Variants in TTC7A observed in about 807,000 individuals in gnomAD.
TTC7A encodes the protein tetratricopeptide repeat domain 7A.
In TTC7A, 110 loss-of-function variants were observed where a neutral mutation model predicts 103.7. That is an observed-to-expected ratio of 1.06 (90% CI 0.91 to 1.24). The LOEUF (loss-of-function observed/expected upper bound fraction) is 1.24, where lower values mean the gene tolerates loss of function less well. Among genes scored for constraint, TTC7A ranks in the 50% most tolerant of loss-of-function variants. TTC7A has a pLI of 0.00. For synonymous variants in TTC7A, 521 were observed against 467.9 expected (o/e 1.11, Z -1.47); for missense variants, 1,340 against 1,116.3 (o/e 1.20, Z -2.86).
At chr2:47,000,714 G>A (rs965539159) in intron 8 of TTC7A, among the ~76,000 whole-genome samples, 2 of 152,190 alleles carry the variant, frequency 1.3e-5, no homozygotes, top group Non-Finnish European at 2.9e-5. Context: ...ACTTGTTTCT[G>A]GGGTAGTTTT....
intron 2 of TTC7A, among the ~76,000 whole-genome samples, chr2:46,918,958 T>G (rs1209295081): frequency 6.6e-6 from 1 of 152,198 alleles, no homozygotes; most frequent in Non-Finnish European, 1.5e-5. Context: ...CTTTGTGTAC[T>G]CAGGTTGAAA....
At chr2:47,059,854 G>C (rs1683623985) in intron 18 of TTC7A, among the ~76,000 whole-genome samples, 1 of 152,122 alleles carries the variant, frequency 6.6e-6, no homozygotes. Context: ...CCCCTCTAAA[G>C]TGGGGTAATA....
chr2:46,939,757 T>G (rs1167369604), upstream of TTC7A, among the ~76,000 whole-genome samples: 1 of 151,996 alleles, frequency 6.6e-6, no homozygotes, highest in East Asian at 1.9e-4. Flanking sequence ...ATCCAACCGC[T>G]CTCTCCAAGT....
chr2:46,970,952 C>G (rs555146634), intron 3 of TTC7A, among the ~76,000 whole-genome samples: 62 of 152,324 alleles, frequency 4.1e-4, no homozygotes, highest in African/African-American at 1.4e-3. Flanking sequence ...TGGTCACACC[C>G]CAGCCTGGCA....
intron 8 of TTC7A, among the ~76,000 whole-genome samples, chr2:46,997,358 G>C (rs950531226): frequency 2.0e-5 from 3 of 152,156 alleles, no homozygotes; most frequent in Admixed American, 2.0e-4. Context: ...GGCTGGAAAC[G>C]GGGTCGTCTG....
At chr2:46,967,531 T>G (rs1174232396) in intron 3 of TTC7A, among the ~76,000 whole-genome samples, 4 of 152,216 alleles carry the variant, frequency 2.6e-5, no homozygotes, top group Non-Finnish European at 5.9e-5. Flanking sequence ...GTCTGGCTCA[T>G]TTCACTTAGT....
chr2:46,975,030 G>A lies in TTC7A; in HGVS notation c.575G>A (p.Arg192Lys). Residue 192 changes from arginine to lysine, a missense_variant, in exon 4 of 20, where the codon AGG becomes AAG. By Grantham distance (26) the Arg-to-Lys change is conservative. Transcript: ENST00000319190. The part of the protein sequence containing the change: ...SIASRFRLTE[R>K]EEEVITCFER... ...GCCTCCCGCTTCCGCCTGACAGAGAGGGAGGAGGAAGTGATCACCTGTTTT... is the reference window on the plus strand; with the variant it reads ...GCCTCCCGCTTCCGCCTGACAGAGAAGGAGGAGGAAGTGATCACCTGTTTT... 1 of 1,614,088 alleles carries A rather than the reference G, an allele frequency of 6.2e-7. No individual in the cohort carries two copies. Among genetic ancestry groups the A allele is most frequent in the Middle Eastern group, 1.6e-4 (1 of 6,062 alleles).
intron 15 of TTC7A, among the ~76,000 whole-genome samples, chr2:47,035,797 G>T (rs1032376880): frequency 1.3e-5 from 2 of 152,216 alleles, no homozygotes; most frequent in Non-Finnish European, 2.9e-5. Context: ...TAGCAGGGGA[G>T]GCCCAGCCCC....
chr2:46,926,804 C>T (rs1669407220), intron 2 of TTC7A, among the ~76,000 whole-genome samples: 1 of 152,216 alleles, frequency 6.6e-6, no homozygotes, highest in Non-Finnish European at 1.5e-5. Flanking sequence ...CGGACCTCCA[C>T]AGCTTGAGAC....
chr2:46,973,450 C>A (rs1245210390), intron 3 of TTC7A, among the ~76,000 whole-genome samples: 1 of 152,188 alleles, frequency 6.6e-6, no homozygotes, highest in African/African-American at 2.4e-5. Context: ...TCAGGGAGGG[C>A]CTCAGTGCCG....
intron 2 of TTC7A, among the ~76,000 whole-genome samples, chr2:46,920,559 G>A (rs1053789464): frequency 6.6e-6 from 1 of 151,560 alleles, no homozygotes; most frequent in African/African-American, 2.4e-5. Flanking sequence ...TTGAACTCCT[G>A]AACTCACGTG....
chr2:46,956,734 G>A, intron 2 of TTC7A, 105 bp from the exon 3 acceptor site: 1 of 1,197,388 alleles, frequency 8.4e-7, no homozygotes, highest in South Asian at 1.3e-5. Flanking sequence ...AGGAGGAGGG[G>A]AGTTCTGAGC....
intron 3 of TTC7A, among the ~76,000 whole-genome samples, chr2:46,961,634 G>C (rs1672388990): frequency 7.0e-6 from 1 of 142,992 alleles, no homozygotes; most frequent in South Asian, 2.3e-4. Flanking sequence ...GCTGGGTGCG[G>C]TGGCTCATGC....
chr2:47,037,301 C>G (rs574662065), intron 15 of TTC7A, among the ~76,000 whole-genome samples: 2 of 152,330 alleles, frequency 1.3e-5, no homozygotes, highest in African/African-American at 4.8e-5. Flanking sequence ...GGGAAACCCC[C>G]ACTAAGCACA....
intron 5 of TTC7A, among the ~76,000 whole-genome samples, chr2:46,988,405 C>A (rs1003121767): frequency 6.6e-5 from 10 of 152,234 alleles, no homozygotes; most frequent in African/African-American, 2.2e-4. Flanking sequence ...ACCCGTTCAG[C>A]TGTTGGGATC....
At chr2:46,954,893 A>C (rs17035931) in intron 2 of TTC7A, among the ~76,000 whole-genome samples, 31,156 of 151,976 alleles carry the variant, frequency 0.21, 3,344 homozygotes, top group Middle Eastern at 0.26. Context: ...AAATAGTGTA[A>C]ATGTGGCTTT....
chr2:46,996,498 G>C (rs17481209), intron 8 of TTC7A, among the ~76,000 whole-genome samples: 25,709 of 152,208 alleles, frequency 0.17, 2,376 homozygotes, highest in Admixed American at 0.19. Context: ...TTGGTAATCA[G>C]ATTGCCTCTG....
Position 46,984,544 on chromosome 2 carries a change from GC to G in TTC7A, c.764+5643del, listed in dbSNP as rs914799993. ...GCTGTTAACTTCCTCTCCATTGAGAGCCCCCCGACAGCCACCTCTAGGGGCT... is the reference window on the plus strand; with the variant it reads ...GCTGTTAACTTCCTCTCCATTGAGAGCCCCCGACAGCCACCTCTAGGGGCT... On this transcript the variant is annotated intron_variant, in intron 5 of 19. Coordinates refer to ENST00000319190, the MANE Select transcript of TTC7A (RefSeq NM_020458.4). 1.1e-4 allele frequency among the ~76,000 whole-genome samples: 16 copies of G among 152,170 alleles called. 1 individual carries two copies.
At position 46,994,391 on chromosome 2, in the gene TTC7A, A is replaced by T; in HGVS notation, c.878A>T (p.His293Leu). ...AAKHLAGVLL[H>L]SLSEECYWSP... ...AAGCACCTGGCGGGGGTCCTGCTGC[A>T]CTCCCTGAGTGAGGAGTGCTACTGG... Residue 293 changes from histidine to leucine, a missense_variant, in exon 7 of 20, where the codon CAC becomes CTC. By Grantham distance (99) the His-to-Leu change is moderately conservative. Transcript: ENST00000319190. The T allele has an allele frequency of 6.2e-7, 1 of 1,613,468 alleles. No homozygotes were observed. The highest frequency in any genetic ancestry group is 1.1e-5 in the South Asian group (1 of 91,038).
Sources: allele counts gnomAD v4.1 joint callset (sites outside exome capture counted in the v4.1 genomes callset), GRCh38; gene constraint gnomAD v4.1.1; transcripts MANE v1.5; gene names NCBI Gene and HGNC (gene_info 2026-07-23, HGNC 2026-07-21).